NLGN1: variants seen among roughly 807,000 people sequenced by gnomAD.
The protein encoded by NLGN1 is neuroligin-1.
A neutral mutation model predicts 65.5 loss-of-function variants in NLGN1; 12 were observed. The ratio of observed to expected loss-of-function variants is 0.18; its 90% CI spans 0.12 to 0.30. NLGN1 has a LOEUF of 0.30. Ranked by LOEUF, NLGN1 falls within the 10% of genes least tolerant of loss-of-function variation. The pLI is 1.00. For missense variants in NLGN1, 750 were observed against 1,007.1 expected (o/e 0.74, Z 3.46); for synonymous variants, 350 against 359.5 (o/e 0.97, Z 0.30).
chr3:173,834,165 C>G (rs1401263640), intron 4 of NLGN1, among the ~76,000 whole-genome samples: 1 of 152,094 alleles, frequency 6.6e-6, no homozygotes, highest in Non-Finnish European at 1.5e-5. Context: ...TTTCATATTA[C>G]ACATTCATAT....
chr3:174,276,377 G>T (rs1276783946), intron 5 of NLGN1, among the ~76,000 whole-genome samples: 1 of 151,852 alleles, frequency 6.6e-6, no homozygotes, highest in Admixed American at 6.6e-5. Flanking sequence ...GAAGAGTATT[G>T]TTGGAGAAAT....
At chr3:173,693,186 G>A (rs115348107) in intron 3 of NLGN1, among the ~76,000 whole-genome samples, 2,031 of 152,134 alleles carry the variant, frequency 0.013, 17 homozygotes, top group South Asian at 0.029. Context: ...AAAATGCTGG[G>A]GATCTTCTGG....
intron 4 of NLGN1, among the ~76,000 whole-genome samples, chr3:174,148,027 A>T (rs1723667303): frequency 6.6e-6 from 1 of 152,224 alleles, no homozygotes; most frequent in South Asian, 2.1e-4. Context: ...GCAGAAGAAC[A>T]CTTCTACAAA....
At chr3:174,292,961 A>C in the NLGN1 span, among the ~76,000 whole-genome samples, 1 of 151,532 alleles carries the variant, frequency 6.6e-6, no homozygotes, top group East Asian at 1.9e-4. Flanking sequence ...CATGGATATG[A>C]AATCAGAAAA....
intron 4 of NLGN1, among the ~76,000 whole-genome samples, chr3:173,951,271 T>C (rs1303724637): frequency 6.6e-6 from 1 of 152,168 alleles, no homozygotes; most frequent in Non-Finnish European, 1.5e-5. Context: ...TGGTAGTCTT[T>C]CAGTTTGTTC....
intron 3 of NLGN1, among the ~76,000 whole-genome samples, chr3:173,762,386 T>C (rs1778096438): frequency 6.6e-6 from 1 of 152,036 alleles, no homozygotes; most frequent in Admixed American, 6.6e-5. Context: ...TGCAAACACA[T>C]ATCTGTACCT....
intron 4 of NLGN1, among the ~76,000 whole-genome samples, chr3:174,049,588 A>T (rs1348236379): frequency 6.6e-6 from 1 of 152,056 alleles, no homozygotes; most frequent in African/African-American, 2.4e-5. Flanking sequence ...CCCTAAGGCT[A>T]ATTCCCTATC....
intron 2 of NLGN1, among the ~76,000 whole-genome samples, chr3:173,571,600 T>G (rs535251682): frequency 5.9e-5 from 9 of 152,380 alleles, no homozygotes; most frequent in African/African-American, 2.2e-4. Flanking sequence ...ATGGTCATTT[T>G]AAACTTCATT....
intron 4 of NLGN1, among the ~76,000 whole-genome samples, chr3:173,942,177 GTA>G (rs147642766): frequency 2.0e-5 from 3 of 150,512 alleles, no homozygotes. Context: ...TATAATATGT[GTA>G]TATATATATA....
intron 4 of NLGN1, among the ~76,000 whole-genome samples, chr3:173,949,994 G>T (rs1747895662): frequency 6.6e-6 from 1 of 152,164 alleles, no homozygotes; most frequent in Non-Finnish European, 1.5e-5. Context: ...GATAGATATA[G>T]TTCTGTGGTT....
chr3:174,045,301 A>G (rs1465917015), intron 4 of NLGN1, among the ~76,000 whole-genome samples: 1 of 152,146 alleles, frequency 6.6e-6, no homozygotes, highest in African/African-American at 2.4e-5. Context: ...ACTTACAATC[A>G]TGGCAGAAGG....
chr3:174,106,091 T>C (rs1240802671), intron 4 of NLGN1, among the ~76,000 whole-genome samples: 1 of 152,180 alleles, frequency 6.6e-6, no homozygotes, highest in African/African-American at 2.4e-5. Context: ...CTTTTACAGA[T>C]GTGTAAAATG....
chr3:174,255,334 G>A (rs1321146179), intron 4 of NLGN1, among the ~76,000 whole-genome samples: 1 of 150,724 alleles, frequency 6.6e-6, no homozygotes, highest in Non-Finnish European at 1.5e-5. Context: ...TACTCAGGAG[G>A]CTGAGGCAGG....
intron 2 of NLGN1, among the ~76,000 whole-genome samples, chr3:173,452,318 G>T (rs1268536976): frequency 3.3e-5 from 5 of 151,924 alleles, no homozygotes; most frequent in Non-Finnish European, 1.5e-5. Context: ...CCAAGTAGCT[G>T]GGACTACAGG....
chr3:173,970,865 C>T (rs568087861), intron 4 of NLGN1, among the ~76,000 whole-genome samples: 98 of 152,130 alleles, frequency 6.4e-4, no homozygotes, highest in Non-Finnish European at 1.2e-3. Flanking sequence ...AGACTGAATA[C>T]TGGCAGTAAT....
chr3:173,777,716 A>C (rs1447015406), intron 3 of NLGN1, among the ~76,000 whole-genome samples: 1 of 151,546 alleles, frequency 6.6e-6, no homozygotes, highest in Non-Finnish European at 1.5e-5. Context: ...CTTGGTGGTC[A>C]CTTAGGTTGA....
intron 4 of NLGN1, among the ~76,000 whole-genome samples, chr3:173,915,369 G>A (rs1740526023): frequency 6.6e-6 from 1 of 152,154 alleles, no homozygotes; most frequent in African/African-American, 2.4e-5. Flanking sequence ...CTGTCTACAA[G>A]GATGTCAGGG....
Position 173,594,278 on chromosome 3 carries a change from G to A in NLGN1, c.-320-10001G>A, listed in dbSNP as rs527462725. ...CTTCCTAGATTCAAAGAGGGAACAGGTAATGGGTAGATACAGCCATTCCAA... is the reference window on the plus strand; with the variant it reads ...CTTCCTAGATTCAAAGAGGGAACAGATAATGGGTAGATACAGCCATTCCAA... On this transcript the variant is annotated intron_variant, in intron 2 of 6. Transcript: ENST00000457714. Among the ~76,000 whole-genome samples the A allele has an allele frequency of 2.6e-5, 4 of 152,324 alleles. No homozygotes were observed. The South Asian group carries it at 6.2e-4, about 24-fold the overall frequency.
At chr3:173,738,706 C>T (rs563508629) in intron 3 of NLGN1, among the ~76,000 whole-genome samples, 28 of 152,018 alleles carry the variant, frequency 1.8e-4, no homozygotes, top group Non-Finnish European at 3.8e-4. Flanking sequence ...TTTTTGAGAT[C>T]GTTTTGGCAA....
Sources: allele counts gnomAD v4.1 joint callset (sites outside exome capture counted in the v4.1 genomes callset), GRCh38; gene constraint gnomAD v4.1.1; transcripts MANE v1.5; gene names NCBI Gene and HGNC (gene_info 2026-07-23, HGNC 2026-07-21).